Variants in SLC38A11 observed in about 807,000 individuals in gnomAD.
SLC38A11 encodes the protein putative sodium-coupled neutral amino acid transporter 11.
A neutral mutation model predicts 49.4 loss-of-function variants in SLC38A11; 51 were observed. The observed-to-expected ratio is 1.03, with a 90% CI of 0.83 to 1.30. The LOEUF (loss-of-function observed/expected upper bound fraction) is 1.30. SLC38A11 is among the 50% of genes most tolerant of loss of function. The pLI is 0.00. For synonymous variants in SLC38A11, 203 were observed against 192.9 expected, an observed-to-expected ratio of 1.05 and a Z score of -0.43; for missense variants, 574 against 556.2, an observed-to-expected ratio of 1.03 and a Z score of -0.32.
chr2:164,924,370 A>G (rs545422960), intron 7 of SLC38A11, among the ~76,000 whole-genome samples: 4 of 152,238 alleles, frequency 2.6e-5, no homozygotes, highest in East Asian at 3.9e-4. Context: ...AAAAATACCT[A>G]TTGGGTTCTC....
At chr2:164,940,042 C>G (rs558616131) in intron 5 of SLC38A11, among the ~76,000 whole-genome samples, 1 of 144,684 alleles carries the variant, frequency 6.9e-6, no homozygotes, top group South Asian at 2.2e-4. Context: ...CACTAATACT[C>G]TAACAAAATT....
chr2:164,916,781 A>G (rs1018586234), intron 7 of SLC38A11, among the ~76,000 whole-genome samples: 2 of 152,158 alleles, frequency 1.3e-5, no homozygotes, highest in Admixed American at 6.6e-5. Flanking sequence ...TGATATTGGC[A>G]GTGATAGGTC....
Position 164,955,331 on chromosome 2 carries a change from AC to A in SLC38A11, c.-85del. 3 of 1,330,238 alleles carry A rather than the reference AC, an allele frequency of 2.3e-6. No homozygotes were observed. The highest frequency in any genetic ancestry group is 1.9e-4 in the Middle Eastern group (1 of 5,130). The allele number at this position is 1,330,238 out of a possible 1,614,324, so 82.4% of individuals were successfully genotyped here. A position where few individuals can be genotyped will look rare whatever the true frequency, so the allele number is the denominator to read the frequency against. On this transcript the variant is annotated 5_prime_UTR_variant, in exon 1 of 12. Transcript: ENST00000685975. ...CGGCCAGCCTCCTCCGCCACCTCGC[AC>A]ACAGCCGAGGTCCGCGTGTAGCCGC...
intron 11 of SLC38A11, 40 bp downstream of exon 11, chr2:164,908,600 G>A (rs759907623): frequency 6.9e-7 from 1 of 1,454,176 alleles, no homozygotes; most frequent in Admixed American, 2.5e-5. Context: ...CTTTTAAAGA[G>A]AATTTTAGAG....
chr2:164,900,414 C>T (rs1286941922), intron 11 of SLC38A11, among the ~76,000 whole-genome samples: 1 of 152,054 alleles, frequency 6.6e-6, no homozygotes, highest in Admixed American at 6.6e-5. Context: ...TACATTCCCA[C>T]CAGCAATGTA....
intron 7 of SLC38A11, among the ~76,000 whole-genome samples, chr2:164,918,592 T>G (rs899980114): frequency 6.6e-6 from 1 of 152,194 alleles, no homozygotes; most frequent in African/African-American, 2.4e-5. Flanking sequence ...ATGTTCAATA[T>G]CACTGCATCC....
chr2:164,942,127 A>T (rs889542413), intron 5 of SLC38A11, among the ~76,000 whole-genome samples: 8 of 152,156 alleles, frequency 5.3e-5, no homozygotes, highest in African/African-American at 1.9e-4. Flanking sequence ...GTAATAAAAT[A>T]TATTTTTAAA....
intron 7 of SLC38A11, among the ~76,000 whole-genome samples, chr2:164,926,918 C>T (rs1386697208): frequency 6.6e-6 from 1 of 150,936 alleles, no homozygotes; most frequent in Admixed American, 6.6e-5. Context: ...ATGTAAATGA[C>T]GAGTTAATGG....
intron 7 of SLC38A11, among the ~76,000 whole-genome samples, chr2:164,931,241 C>CAAAAAAAAAAAAAAAAAAAAAAAAAAAAA (rs71028455): frequency 1.3e-5 from 1 of 74,786 alleles, no homozygotes; most frequent in Non-Finnish European, 2.5e-5. Flanking sequence ...TGATCCCCCA[C>CAAAAAAAAAAAAAAAAAAAAAAAAAAAAA]AAAAAAAAAA....
chr2:164,937,433 T>G lies in SLC38A11; in HGVS notation c.538-4A>C, dbSNP rs768874851. The G allele has an allele frequency of 6.4e-7, 1 of 1,568,092 alleles. No homozygotes were observed. The highest frequency in any genetic ancestry group is 1.4e-5 in the African/African-American group (1 of 73,812). ...AACCTGTAGAGATGAGGGAGACCTGTAAAAGAAAATACAAGGATATTGCCG... is the reference window on the plus strand; with the variant it reads ...AACCTGTAGAGATGAGGGAGACCTGGAAAAGAAAATACAAGGATATTGCCG... On this transcript the variant is annotated splice_region_variant and splice_polypyrimidine_tract_variant and intron_variant, in intron 6 of 11. Transcript: ENST00000685975.
chr2:164,908,814 A>C, intron 10 of SLC38A11, 43 bp from the exon 11 acceptor site: 1 of 1,571,338 alleles, frequency 6.4e-7, no homozygotes, highest in Non-Finnish European at 8.7e-7. Flanking sequence ...TTTTAAAGGC[A>C]TGCAGGATTT....
At chr2:164,952,223 C>G (rs1559135682) in intron 3 of SLC38A11, among the ~76,000 whole-genome samples, 1 of 152,152 alleles carries the variant, frequency 6.6e-6, no homozygotes, top group Non-Finnish European at 1.5e-5. Flanking sequence ...CATTTAAAGA[C>G]AGTAGCAGGC....
chr2:164,906,443 T>C (rs957052689), intron 11 of SLC38A11, among the ~76,000 whole-genome samples: 2 of 152,188 alleles, frequency 1.3e-5, no homozygotes, highest in Non-Finnish European at 2.9e-5. Context: ...ATTTCAGCAC[T>C]GTGTCCTTAG....
At chr2:164,905,926 A>G (rs1684972695) in intron 11 of SLC38A11, among the ~76,000 whole-genome samples, 1 of 152,136 alleles carries the variant, frequency 6.6e-6, no homozygotes, top group Non-Finnish European at 1.5e-5. Context: ...ATTAACCAAA[A>G]CAGTTTTCAA....
chr2:164,902,142 C>T (rs1043030468), intron 11 of SLC38A11, among the ~76,000 whole-genome samples: 6 of 151,372 alleles, frequency 4.0e-5, no homozygotes, highest in Non-Finnish European at 5.9e-5. Context: ...GATCCTCCCA[C>T]CTCAGCATCC....
Position 164,898,064 on chromosome 2 carries a change from A to ACCCCCCCC in SLC38A11, c.*372_*373insGGGGGGGG, listed in dbSNP as rs1439303274. On this transcript the variant is annotated 3_prime_UTR_variant, in exon 12 of 12. Transcript: ENST00000685975. ...AGGACAAAGAAAATGCCCACCCCCC[A>ACCCCCCCC]CACCCCCCCACCAAAAGACATCTAC... is the stretch of plus-strand genomic sequence containing the variant. The ACCCCCCCC allele has an allele frequency of 1.5e-5, 1 of 68,166 alleles. No individual in the cohort carries two copies. Among genetic ancestry groups the ACCCCCCCC allele is most frequent in the African/African-American group, 5.5e-5 (1 of 18,324 alleles). The allele number at this position is 68,166 out of a possible 1,614,324, so 4.2% of individuals were successfully genotyped here. A position where few individuals can be genotyped will look rare whatever the true frequency, so the allele number is the denominator to read the frequency against.
chr2:164,931,257 A>T lies in SLC38A11; in HGVS notation c.617+6093T>A, dbSNP rs1285541352. Among the ~76,000 whole-genome samples the T allele has an allele frequency of 2.6e-5, 4 of 151,670 alleles. No homozygotes were observed. In the East Asian group the frequency reaches 7.7e-4, roughly 29 times the overall value. The stretch of plus-strand genomic sequence containing the variant: ...GATCCCCCACAAAAAAAAAAAAAAA[A>T]AAAAATCAGAGATGACACAAACAAA... On this transcript the variant is annotated intron_variant, in intron 7 of 11. Coordinates refer to ENST00000685975, the MANE Select transcript of SLC38A11 (RefSeq NM_001351537.2).
At chr2:164,913,688 G>A (rs969679656) in intron 9 of SLC38A11, among the ~76,000 whole-genome samples, 1 of 151,952 alleles carries the variant, frequency 6.6e-6, no homozygotes. Flanking sequence ...TACAGAAAAG[G>A]CATTTAAAAA....
chr2:164,918,634 A>C (rs1685965815), intron 7 of SLC38A11, among the ~76,000 whole-genome samples: 1 of 152,220 alleles, frequency 6.6e-6, no homozygotes, highest in African/African-American at 2.4e-5. Context: ...TAGCTGATTC[A>C]ATAAAATAAG....
Sources: gnomAD v4.1 joint callset for allele counts (sites outside exome capture counted in the v4.1 genomes callset) on GRCh38, gnomAD v4.1.1 for gene constraint, MANE v1.5 for transcripts, NCBI Gene and HGNC (gene_info 2026-07-23, HGNC 2026-07-21) for gene names.